Variants in PPHLN1 observed in about 807,000 individuals in gnomAD.
PPHLN1 encodes the protein periphilin 1, also known as periphilin-1.
Under a neutral mutation model 51.3 loss-of-function variants are expected in PPHLN1, and 29 were observed. The observed-to-expected ratio is 0.57, with a 90% confidence interval of 0.42 to 0.77. The LOEUF (loss-of-function observed/expected upper bound fraction) is 0.77, where lower values mean the gene tolerates loss of function less well. Ranked by LOEUF, PPHLN1 falls within the 30% of genes least tolerant of loss-of-function variation. The pLI, the probability that PPHLN1 is intolerant of heterozygous loss-of-function variation, is 0.00. For missense variants in PPHLN1, 436 were observed against 438.4 expected, an observed-to-expected ratio of 0.99 and a Z score of 0.05; for synonymous variants, 147 against 147.8, an observed-to-expected ratio of 0.99 and a Z score of 0.04.
At chr12:42,396,630 A>C (rs1377186599) in intron 8 of PPHLN1, among the ~76,000 whole-genome samples, 1 of 74,796 alleles carries the variant, frequency 1.3e-5, no homozygotes, top group East Asian at 4.0e-4. Context: ...AAAAAAAAAA[A>C]AAAAAAAAAA....
rs1315330603 is a variant in PPHLN1 at position 42,441,816 on chromosome 12, T to G, written c.*307T>G. ...ATTACAGGCGTGAGCCACCGCTCCC[T>G]GCCCAACACATATACCATCTGAAAA... is the stretch of plus-strand genomic sequence containing the variant. On this transcript the variant is annotated 3_prime_UTR_variant, in exon 10 of 10. Transcript: ENST00000358314. 9.2e-7 allele frequency: 1 copy of G among 1,083,334 alleles called. No homozygotes were observed. Among genetic ancestry groups the G allele is most frequent in the Non-Finnish European group, 1.1e-6 (1 of 894,386 alleles). 67.1% of individuals were successfully genotyped at this position (1,083,334 alleles called of 1,614,324 possible). A position where few individuals can be genotyped will look rare whatever the true frequency, so the allele number is the denominator to read the frequency against.
chr12:42,375,156 A>G, intron 5 of PPHLN1, 82 bp downstream of exon 5: 2 of 1,101,176 alleles, frequency 1.8e-6, no homozygotes, highest in South Asian at 1.8e-5. Context: ...TTCTAGGTGT[A>G]AGAGATTTAT....
chr12:42,436,987 T>C (rs1454228963), intron 9 of PPHLN1, among the ~76,000 whole-genome samples: 1 of 152,164 alleles, frequency 6.6e-6, no homozygotes, highest in Non-Finnish European at 1.5e-5. Flanking sequence ...CTTTCACACA[T>C]CTTGTCATAT....
At chr12:42,366,679 G>A (rs907289398) in intron 4 of PPHLN1, among the ~76,000 whole-genome samples, 5 of 151,960 alleles carry the variant, frequency 3.3e-5, no homozygotes, top group Non-Finnish European at 5.9e-5. Flanking sequence ...CTGAGCCACC[G>A]TGCCCCAGTG....
At position 42,354,937 on chromosome 12, in the gene PPHLN1, C is replaced by A. The variant is rs185680161; in HGVS notation, c.238-224C>A. 5.3e-5 allele frequency among the ~76,000 whole-genome samples: 8 copies of A among 152,246 alleles called. No homozygotes were observed. In the East Asian group the frequency reaches 1.3e-3, roughly 26 times the overall value. ...TTGGCAATTAGCTTGTTTGAGTCTA[C>A]CAAAGAAATAATTTAAGCATTTTAA... On this transcript the variant is annotated intron_variant, in intron 3 of 9. Transcript: ENST00000358314.
intron 9 of PPHLN1, chr12:42,432,364 A>G (rs2082110555): frequency 2.7e-6 from 2 of 742,210 alleles, no homozygotes; most frequent in African/African-American, 1.7e-5. Context: ...CTTCCTTTAG[A>G]TAAGCAATAT....
chr12:42,431,536 T>C (rs2082035906), intron 9 of PPHLN1: 1 of 566,392 alleles, frequency 1.8e-6, no homozygotes, highest in South Asian at 2.1e-5. Flanking sequence ...CCTCCCCTTT[T>C]TGAATTCCAA....
At chr12:42,420,767 C>G (rs1398892236) in intron 9 of PPHLN1, among the ~76,000 whole-genome samples, 2 of 146,304 alleles carry the variant, frequency 1.4e-5, no homozygotes, top group East Asian at 4.0e-4. Flanking sequence ...GTGTATTTTT[C>G]ATATATGAAT....
intron 5 of PPHLN1, among the ~76,000 whole-genome samples, chr12:42,376,281 C>T (rs1229959060): frequency 2.0e-5 from 3 of 152,140 alleles, no homozygotes; most frequent in African/African-American, 7.2e-5. Context: ...AATTTAACAG[C>T]CTTTGCCTCT....
intron 9 of PPHLN1, among the ~76,000 whole-genome samples, chr12:42,413,528 G>A (rs1206466833): frequency 1.7e-4 from 5 of 28,708 alleles, no homozygotes; most frequent in African/African-American, 2.7e-4. Context: ...ATATGTATAT[G>A]TGTGTGTGTG....
chr12:42,423,679 A>T (rs1449163050), intron 9 of PPHLN1, among the ~76,000 whole-genome samples: 2 of 147,798 alleles, frequency 1.4e-5, no homozygotes, highest in African/African-American at 5.0e-5. Flanking sequence ...TAACATGCAA[A>T]TTTTTTTTTT....
chr12:42,330,183 C>T (rs150831390), intron 1 of PPHLN1, among the ~76,000 whole-genome samples: 178 of 152,352 alleles, frequency 1.2e-3, no homozygotes, highest in African/African-American at 4.2e-3. Flanking sequence ...CAGCATATCT[C>T]GCCTCCAGCC....
chr12:42,343,883 C>T (rs564352388), intron 2 of PPHLN1: 19 of 443,766 alleles, frequency 4.3e-5, no homozygotes, highest in African/African-American at 3.7e-4. Context: ...CTCAGAAACA[C>T]CAATATTTCA....
intron 1 of PPHLN1, among the ~76,000 whole-genome samples, chr12:42,335,140 A>G (rs1038805494): frequency 1.6e-4 from 24 of 152,026 alleles, no homozygotes; most frequent in African/African-American, 5.8e-4. Context: ...TTGTGGCTAT[A>G]TACCCTTGAA....
At chr12:42,341,627 T>G (rs1209201912) in intron 2 of PPHLN1, among the ~76,000 whole-genome samples, 3 of 151,966 alleles carry the variant, frequency 2.0e-5, no homozygotes, top group Non-Finnish European at 4.4e-5. Context: ...TTATTATTAT[T>G]ATTATTATTT....
At chr12:42,446,142 G>C (rs1452205479), downstream of PPHLN1, 1 of 1,588,090 alleles carries the variant, frequency 6.3e-7, no homozygotes, top group Non-Finnish European at 8.6e-7. Flanking sequence ...CAGCTTCGTC[G>C]GACGACAGGA....
At chr12:42,415,579 G>T (rs1210824582) in intron 9 of PPHLN1, among the ~76,000 whole-genome samples, 2 of 152,154 alleles carry the variant, frequency 1.3e-5, no homozygotes, top group Admixed American at 1.3e-4. Flanking sequence ...ACTCTTACAT[G>T]AGCTCGAGGT....
At chr12:42,372,494 A>G (rs374465537) in intron 4 of PPHLN1, among the ~76,000 whole-genome samples, 7 of 152,328 alleles carry the variant, frequency 4.6e-5, no homozygotes, top group South Asian at 2.1e-4. Context: ...TATAATTTCA[A>G]TGTAGGAAAC....
intron 2 of PPHLN1, among the ~76,000 whole-genome samples, chr12:42,342,297 C>T (rs1391098436): frequency 6.6e-6 from 1 of 152,164 alleles, no homozygotes; most frequent in Non-Finnish European, 1.5e-5. Flanking sequence ...GCTATGTCAT[C>T]CAGCTGAAGT....
Sources: gnomAD v4.1 joint callset for allele counts (sites outside exome capture counted in the v4.1 genomes callset) on GRCh38, gnomAD v4.1.1 for gene constraint, MANE v1.5 for transcripts, NCBI Gene and HGNC (gene_info 2026-07-23, HGNC 2026-07-21) for gene names.